Variants in GLIS3 observed in about 807,000 individuals in gnomAD.
GLIS3 encodes the protein GLIS family zinc finger 3, also known as zinc finger protein GLIS3.
GLIS3 carries 53 observed loss-of-function variants against 78.6 expected under a neutral mutation model. The ratio of observed to expected loss-of-function variants is 0.67; its 90% CI spans 0.54 to 0.85. The LOEUF is 0.85. Among genes scored for constraint, GLIS3 ranks in the 40% least tolerant of loss-of-function variants. The pLI is 0.00. For synonymous variants in GLIS3, 684 were observed against 509.9 expected, an observed-to-expected ratio of 1.34 and a Z score of -4.60; for missense variants, 1,703 against 1,231.1, an observed-to-expected ratio of 1.38 and a Z score of -5.74.
intron 2 of GLIS3, among the ~76,000 whole-genome samples, chr9:4,345,279 C>A (rs542076059): frequency 6.6e-6 from 1 of 152,332 alleles, no homozygotes; most frequent in Admixed American, 6.5e-5. Flanking sequence ...CTACGTCAGG[C>A]ATTTTTGCTC....
At chr9:4,345,924 T>C (rs899033176) in intron 2 of GLIS3, among the ~76,000 whole-genome samples, 1 of 151,976 alleles carries the variant, frequency 6.6e-6, no homozygotes, top group Admixed American at 6.6e-5. Flanking sequence ...TTGATAAAAA[T>C]GAAATTAAAT....
intron 4 of GLIS3, among the ~76,000 whole-genome samples, chr9:4,092,497 C>T (rs1010927957): frequency 2.0e-5 from 3 of 152,148 alleles, no homozygotes; most frequent in Admixed American, 2.0e-4. Flanking sequence ...CACAATATTT[C>T]CTTTCTTTAT....
At chr9:4,136,620 A>G (rs1833426797) in intron 2 of GLIS3, among the ~76,000 whole-genome samples, 1 of 152,212 alleles carries the variant, frequency 6.6e-6, no homozygotes, top group South Asian at 2.1e-4. Flanking sequence ...ACCCTTTAGA[A>G]AAGAATAAGC....
At chr9:4,334,904 C>CTTTTTT (rs56017714) in intron 2 of GLIS3, among the ~76,000 whole-genome samples, 3 of 107,030 alleles carry the variant, frequency 2.8e-5, no homozygotes, top group African/African-American at 1.1e-4. Context: ...TCATTTCCAC[C>CTTTTTT]TTTTTTTTTT....
chr9:3,953,287 T>C (rs1816822812), intron 4 of GLIS3, among the ~76,000 whole-genome samples: 1 of 152,238 alleles, frequency 6.6e-6, no homozygotes, highest in South Asian at 2.1e-4. Flanking sequence ...TGTTGGTTTT[T>C]TGAGAAATTG....
At chr9:4,414,250 T>C in the GLIS3 span, among the ~76,000 whole-genome samples, 1 of 152,206 alleles carries the variant, frequency 6.6e-6, no homozygotes, top group African/African-American at 2.4e-5. Flanking sequence ...AGATTTTAGA[T>C]TAGATAATCC....
chr9:3,879,436 C>G lies in GLIS3; in HGVS notation c.2288G>C (p.Gly763Ala). The G allele has an allele frequency of 6.2e-7, 1 of 1,614,042 alleles. No homozygotes were observed. The highest frequency in any genetic ancestry group is 8.5e-7 in the Non-Finnish European group (1 of 1,179,986). The stretch of plus-strand genomic sequence containing the variant: ...AGACAGATGGCCTTACCTCTCAGCT[C>G]CTGCGTCCACAGCTGTGAGTGGAGG... ...QLPPLTAVDAGAERFAPSAPS... is the reference protein window; with the variant it reads ...QLPPLTAVDAAAERFAPSAPS... The change falls in exon 8 of 11, where the codon GGA becomes GCA. Residue 763 changes from glycine to alanine, a missense_variant. Transcript: ENST00000381971.
intron 2 of GLIS3, among the ~76,000 whole-genome samples, chr9:4,278,510 T>C (rs1356901095): frequency 3.9e-5 from 6 of 152,086 alleles, no homozygotes; most frequent in Non-Finnish European, 8.8e-5. Flanking sequence ...CAAAGAATAA[T>C]GATGGTAATG....
intron 3 of GLIS3, among the ~76,000 whole-genome samples, chr9:4,309,243 G>C (rs776870421): frequency 6.6e-6 from 1 of 152,014 alleles, no homozygotes; most frequent in Non-Finnish European, 1.5e-5. Flanking sequence ...CTACATAATA[G>C]GCACTCAATA....
intron 2 of GLIS3, among the ~76,000 whole-genome samples, chr9:4,269,437 G>A (rs1826307511): frequency 6.6e-6 from 1 of 152,190 alleles, no homozygotes; most frequent in South Asian, 2.1e-4. Flanking sequence ...AGAGAAGACT[G>A]ATCACAGTTT....
intron 2 of GLIS3, among the ~76,000 whole-genome samples, chr9:4,176,033 G>A (rs1460548380): frequency 6.6e-6 from 1 of 152,178 alleles, no homozygotes; most frequent in Non-Finnish European, 1.5e-5. Flanking sequence ...TGCACACAGA[G>A]AACTGCAAGT....
chr9:4,107,201 G>C (rs1255550447), intron 4 of GLIS3, among the ~76,000 whole-genome samples: 1 of 152,126 alleles, frequency 6.6e-6, no homozygotes, highest in Non-Finnish European at 1.5e-5. Context: ...AGAAAACTGA[G>C]GTAAGTCAGA....
chr9:4,300,257 G>A (rs1218385348), upstream of GLIS3, among the ~76,000 whole-genome samples: 1 of 150,678 alleles, frequency 6.6e-6, no homozygotes, highest in African/African-American at 2.5e-5. Context: ...CTCCCCGTGC[G>A]CCAGAAGTCG....
At chr9:4,217,284 T>C (rs939280452) in intron 2 of GLIS3, among the ~76,000 whole-genome samples, 6 of 152,224 alleles carry the variant, frequency 3.9e-5, no homozygotes, top group African/African-American at 9.6e-5. Context: ...TCAGGCTCCA[T>C]ATCTGGTTGT....
intron 2 of GLIS3, among the ~76,000 whole-genome samples, chr9:4,167,408 A>G (rs1815957421): frequency 6.6e-6 from 1 of 152,182 alleles, no homozygotes; most frequent in South Asian, 2.1e-4. Context: ...TTAAGCCACT[A>G]CTATGTGCCA....
chr9:4,146,718 C>G (rs1834251223), intron 2 of GLIS3, among the ~76,000 whole-genome samples: 1 of 152,194 alleles, frequency 6.6e-6, no homozygotes, highest in Non-Finnish European at 1.5e-5. Flanking sequence ...AACTTCATCT[C>G]AAACGCCTAT....
chr9:4,244,782 G>T (rs934568056), intron 2 of GLIS3, among the ~76,000 whole-genome samples: 27 of 152,038 alleles, frequency 1.8e-4, no homozygotes, highest in Non-Finnish European at 3.5e-4. Context: ...AACCATGCTG[G>T]CCAGGCTGGT....
the GLIS3 span, among the ~76,000 whole-genome samples, chr9:4,480,775 A>G: frequency 6.6e-6 from 1 of 151,934 alleles, no homozygotes; most frequent in South Asian, 2.1e-4. Context: ...GAATTGTAGA[A>G]TGCATATTGT....
At position 3,828,379 on chromosome 9, in the gene GLIS3, G is replaced by A. The variant is rs76094493; in HGVS notation, c.2686C>T (p.Leu896Phe). 10,662 of 1,613,564 alleles carry A rather than the reference G, an allele frequency of 6.6e-3. 630 individuals carry two copies. The African/African-American group carries it at 0.13, about 19-fold the overall frequency. Residue 896 changes from leucine to phenylalanine, a missense_variant, in exon 11 of 11, where the codon CTC becomes TTC. Physicochemically the swap from Leu to Phe is conservative, Grantham distance 22. Transcript: ENST00000381971. ...VYDLPSSSSS[L>F]FGESLRSGAE... ...CCGCTGCGGAGAGACTCCCCAAAGA[G>A]GCTCGAGGAACTTGAAGGTAAATCA... is the stretch of plus-strand genomic sequence containing the variant.
Sources: allele counts gnomAD v4.1 joint callset (sites outside exome capture counted in the v4.1 genomes callset), GRCh38; gene constraint gnomAD v4.1.1; transcripts MANE v1.5; gene names NCBI Gene and HGNC (gene_info 2026-07-23, HGNC 2026-07-21).